The following ARHGAP31 variants were observed in gnomAD, a reference collection of about 807,000 sequenced individuals.
ARHGAP31 encodes Rho GTPase activating protein 31.
In ARHGAP31, 34 loss-of-function variants were observed where a neutral mutation model predicts 113.9. The ratio of observed to expected loss-of-function variants is 0.30; its 90% CI spans 0.23 to 0.40. The LOEUF is 0.40. ARHGAP31 is among the 10% of genes least tolerant of loss of function. ARHGAP31 has a pLI of 1.00. For synonymous variants in ARHGAP31, 650 were observed against 684.8 expected (o/e 0.95, Z 0.79); for missense variants, 1,548 against 1,767.1 (o/e 0.88, Z 2.22).
In ARHGAP31 at chr3:119,401,896, T is replaced by C; in HGVS notation, c.1144T>C (p.Ser382Pro). 1 of 1,613,964 alleles carries C rather than the reference T, an allele frequency of 6.2e-7. No individual in the cohort carries two copies. The highest frequency in any genetic ancestry group is 8.5e-7 in the Non-Finnish European group (1 of 1,179,992). ...TTTCATTCCAGCAACAAAGATGCAC[T>C]CCACCGGCACCGGCAGCTCATGTGA... ...GFFIPATKMH[S>P]TGTGSSCDLT... Residue 382 changes from serine (S) to proline (P), a missense_variant, in exon 10 of 12, where the codon TCC becomes CCC. By Grantham distance (74) the Ser-to-Pro change is moderately conservative (BLOSUM62 -1). Coordinates refer to ENST00000264245, the MANE Select transcript of ARHGAP31 (RefSeq NM_020754.4).
At chr3:119,348,182 T>C (rs1041280873) in intron 1 of ARHGAP31, among the ~76,000 whole-genome samples, 1 of 152,248 alleles carries the variant, frequency 6.6e-6, no homozygotes, top group Admixed American at 6.5e-5. Flanking sequence ...TGCAGGCTCC[T>C]TGTGAGAATC....
intron 2 of ARHGAP31, among the ~76,000 whole-genome samples, chr3:119,365,991 A>T (rs989763673): frequency 6.6e-6 from 1 of 152,132 alleles, no homozygotes; most frequent in South Asian, 2.1e-4. Flanking sequence ...TTCCAATTCT[A>T]TGTATTTATC....
chr3:119,354,770 C>G (rs1409337849), intron 1 of ARHGAP31, among the ~76,000 whole-genome samples: 1 of 150,782 alleles, frequency 6.6e-6, no homozygotes, highest in African/African-American at 2.4e-5. Flanking sequence ...TCAGGTGATC[C>G]ACCTGCCATT....
chr3:119,317,522 G>T lies in ARHGAP31; in HGVS notation c.100+22518G>T, dbSNP rs374138424. 2.0e-5 allele frequency among the ~76,000 whole-genome samples: 3 copies of T among 152,262 alleles called. No individual in the cohort carries two copies. In the East Asian group the frequency reaches 5.8e-4, roughly 29 times the overall value. Reference sequence around the variant, plus strand: ...AGCAGTAAAGAAATAAGGCAGAATTGAAGGGCTGATATTAATGCCACTTAA... The same window carrying T: ...AGCAGTAAAGAAATAAGGCAGAATTTAAGGGCTGATATTAATGCCACTTAA... On this transcript the variant is annotated intron_variant, in intron 1 of 11. Transcript: ENST00000264245.
At chr3:119,363,150 G>A (rs1470271766) in intron 1 of ARHGAP31, among the ~76,000 whole-genome samples, 2 of 152,152 alleles carry the variant, frequency 1.3e-5, no homozygotes, top group Non-Finnish European at 2.9e-5. Context: ...GCAGGTTACC[G>A]AACAGTGAGG....
chr3:119,309,315 A>G (rs2079657849), intron 1 of ARHGAP31, among the ~76,000 whole-genome samples: 1 of 152,352 alleles, frequency 6.6e-6, no homozygotes, highest in South Asian at 2.1e-4. Context: ...CTGGCCTGTC[A>G]GTAATATGTG....
intron 8 of ARHGAP31, 110 bp downstream of exon 8, chr3:119,393,701 A>G: frequency 2.1e-6 from 3 of 1,456,446 alleles, no homozygotes; most frequent in Admixed American, 1.9e-5. Context: ...AGAGAAACTT[A>G]TAAATTAACT....
chr3:119,380,490 A>G (rs1476727826), intron 3 of ARHGAP31, among the ~76,000 whole-genome samples: 7 of 152,006 alleles, frequency 4.6e-5, no homozygotes. Context: ...TGCTCAAGCA[A>G]TCCTCCCACC....
At chr3:119,374,455 C>T (rs1278812387) in intron 3 of ARHGAP31, among the ~76,000 whole-genome samples, 1 of 152,006 alleles carries the variant, frequency 6.6e-6, no homozygotes, top group Admixed American at 6.5e-5. Context: ...AACCTCTTTT[C>T]TATATAAATT....
At chr3:119,388,783 C>T (rs2080477246) in intron 6 of ARHGAP31, among the ~76,000 whole-genome samples, 1 of 152,126 alleles carries the variant, frequency 6.6e-6, no homozygotes, top group Admixed American at 6.5e-5. Context: ...CCTACTGACA[C>T]AAAGAAGATG....
At chr3:119,339,302 G>A (rs1040973358) in intron 1 of ARHGAP31, among the ~76,000 whole-genome samples, 1 of 152,126 alleles carries the variant, frequency 6.6e-6, no homozygotes, top group Admixed American at 6.5e-5. Context: ...ACAAATCAAA[G>A]AGATCTTATA....
intron 1 of ARHGAP31, among the ~76,000 whole-genome samples, chr3:119,340,861 A>C: frequency 6.6e-6 from 1 of 152,178 alleles, no homozygotes; most frequent in East Asian, 1.9e-4. Context: ...TCTCTTAAGT[A>C]TGTTAATGTT....
intron 1 of ARHGAP31, among the ~76,000 whole-genome samples, chr3:119,304,247 C>T (rs1439449396): frequency 6.6e-6 from 1 of 152,036 alleles, no homozygotes; most frequent in Non-Finnish European, 1.5e-5. Flanking sequence ...GGGAAAACAA[C>T]TAAAAGAAGT....
chr3:119,413,518 G>T (rs2080737165), intron 11 of ARHGAP31, among the ~76,000 whole-genome samples: 1 of 152,062 alleles, frequency 6.6e-6, no homozygotes, highest in East Asian at 1.9e-4. Context: ...CTTACGTTCT[G>T]GTGTAGACAG....
intron 1 of ARHGAP31, among the ~76,000 whole-genome samples, chr3:119,310,101 G>A (rs767576074): frequency 6.6e-6 from 1 of 152,114 alleles, no homozygotes; most frequent in Middle Eastern, 3.2e-3. Flanking sequence ...CACACTACAC[G>A]GTCCCTTTCT....
chr3:119,357,763 G>A (rs370978072), intron 1 of ARHGAP31, among the ~76,000 whole-genome samples: 1 of 152,218 alleles, frequency 6.6e-6, no homozygotes, highest in African/African-American at 2.4e-5. Flanking sequence ...GTTCCCAAAG[G>A]GTGGTTTCAA....
At chr3:119,367,730 C>T (rs1479781342) in intron 2 of ARHGAP31, among the ~76,000 whole-genome samples, 2 of 151,756 alleles carry the variant, frequency 1.3e-5, no homozygotes, top group East Asian at 1.9e-4. Flanking sequence ...TGGTGGCGGG[C>T]GCCTGTAGTC....
chr3:119,321,557 T>A (rs532311286), intron 1 of ARHGAP31, among the ~76,000 whole-genome samples: 42 of 149,970 alleles, frequency 2.8e-4, no homozygotes, highest in African/African-American at 9.5e-4. Context: ...TATATATATA[T>A]TATATATATA....
At chr3:119,341,715 CGTA>C (rs1201043369) in intron 1 of ARHGAP31, 2 of 151,814 alleles carry the variant, frequency 1.3e-5, no homozygotes, top group Non-Finnish European at 2.9e-5. Context: ...TTAGAATGGT[CGTA>C]GTAACTGGCA....
Sources: allele counts gnomAD v4.1 joint callset (sites outside exome capture counted in the v4.1 genomes callset), GRCh38; gene constraint gnomAD v4.1.1; transcripts MANE v1.5; gene names NCBI Gene and HGNC (gene_info 2026-07-23, HGNC 2026-07-21).